CABLES2: variants seen among roughly 807,000 people sequenced by gnomAD.
CABLES2 encodes the protein Cdk5 and Abl enzyme substrate 2.
Under a neutral mutation model 44.8 loss-of-function variants are expected in CABLES2, and 35 were observed. That is an observed-to-expected ratio of 0.78 (90% CI 0.60 to 1.04). The LOEUF is 1.04. Among genes scored for constraint, CABLES2 ranks in the 50% least tolerant of loss-of-function variants. The probability of loss-of-function intolerance (pLI) is 0.00; values close to 1 mark genes in which losing one functional copy is unlikely to be tolerated. For missense variants in CABLES2, 566 were observed against 615.7 expected (o/e 0.92, Z 0.85); for synonymous variants, 282 against 281.1 (o/e 1.00, Z -0.03).
At position 62,393,577 on chromosome 20, in the gene CABLES2, G is replaced by C. The variant is rs1295417511; in HGVS notation, c.743C>G (p.Pro248Arg). The C allele has an allele frequency of 6.2e-7, 1 of 1,606,036 alleles. No homozygotes were observed. The highest frequency in any genetic ancestry group is 1.7e-5 in the Admixed American group (1 of 58,704). ...KVVSYAKFLYPTNALVTHKSD... is the reference protein window; with the variant it reads ...KVVSYAKFLYRTNALVTHKSD... ...CTTGTGTGTGACCAGGGCGTTGGTG[G>C]GATACAGGAACTTCGCATAAGACAC... The change falls in exon 6 of 10, where the codon CCC (proline) becomes CGC (arginine). Residue 248 changes from proline (P) to arginine (R), a missense_variant. Pro to Arg is a moderately radical substitution (Grantham distance 103). This residue lies in a region of CABLES2 where 436 missense variants were observed against 536.3 expected (regional missense o/e 0.81). Transcript: ENST00000279101.
chr20:62,393,513 A>G lies in CABLES2; in HGVS notation c.807T>C (p.Ser269=), dbSNP rs1338411297. Residue 269 remains serine, a synonymous_variant, in exon 6 of 10, where the codon AGT becomes AGC. Coordinates refer to ENST00000279101, the MANE Select transcript of CABLES2 (RefSeq NM_031215.3). ...TTGACCCTGGCAGAGTCCGGGGGACACTGGGCCGAGGTGTGGGCAGCAGGC... is the reference window on the plus strand; with the variant it reads ...TTGACCCTGGCAGAGTCCGGGGGACGCTGGGCCGAGGTGTGGGCAGCAGGC... ...SHGLLPTPRP[S]VPRTLPGSRH... 2 of 1,613,498 alleles carry G rather than the reference A, an allele frequency of 1.2e-6. No individual in the cohort carries two copies. The highest frequency in any genetic ancestry group is 2.2e-5 in the East Asian group (1 of 44,868).
At chr20:62,393,363 G>A (rs945730717) in intron 6 of CABLES2, 77 bp downstream of exon 6, 2 of 1,418,230 alleles carry the variant, frequency 1.4e-6, no homozygotes, top group African/African-American at 2.9e-5. Flanking sequence ...GCTTGCTGAT[G>A]CTGCTGCAGT....
In CABLES2 at chr20:62,407,112, G is replaced by C; in HGVS notation, c.165C>G (p.Ile55Met). The C allele has an allele frequency of 1.9e-6, 2 of 1,040,648 alleles. No individual in the cohort carries two copies. Among genetic ancestry groups the C allele is most frequent in the Non-Finnish European group, 2.3e-6 (2 of 864,452 alleles). The allele number at this position is 1,040,648 out of a possible 1,614,324, so 64.5% of individuals were successfully genotyped here. A position where few individuals can be genotyped will look rare whatever the true frequency, so the allele number is the denominator to read the frequency against. Residue 55 changes from isoleucine (I) to methionine (M), a missense_variant, in exon 1 of 10, where the codon ATC becomes ATG. This residue lies in a region of CABLES2 where 130 missense variants were observed against 79.4 expected (regional missense o/e 1.64). Transcript: ENST00000279101. ...GGCTCGGGGGCCGCCCGTCCAGGGA[G>C]ATGTTGTTGAGGAAGAAAAGCGCGG... ...RQAALFFLNN[I>M]SLDGRPPSLG...
At chr20:62,398,205 A>ACGGTAGTGGTGGTGGTGG (rs1988110591) in intron 1 of CABLES2, among the ~76,000 whole-genome samples, 1 of 86,168 alleles carries the variant, frequency 1.2e-5, no homozygotes, top group African/African-American at 5.3e-5. Context: ...GATGGTGGTG[A>ACGGTAGTGGTGGTGGTGG]TGGTGATGTG....
intron 1 of CABLES2, chr20:62,402,913 G>A (rs533162347): frequency 6.6e-6 from 1 of 152,366 alleles, no homozygotes; most frequent in African/African-American, 2.4e-5. Context: ...AATCACGCTT[G>A]TAAACAAGGT....
chr20:62,395,047 C>A, intron 3 of CABLES2, 33 bp from the exon 4 acceptor site: 1 of 1,536,176 alleles, frequency 6.5e-7, no homozygotes, highest in Admixed American at 1.7e-5. Flanking sequence ...GAGACGGGGC[C>A]GGGGAGCGGG....
At chr20:62,404,018 C>T (rs1359278533) in intron 1 of CABLES2, 1 of 152,118 alleles carries the variant, frequency 6.6e-6, no homozygotes, top group African/African-American at 2.4e-5. Context: ...AGTGAGACCC[C>T]ATGTCTGCTA....
At chr20:62,397,916 A>AATGGTGGTG (rs1407114274) in intron 1 of CABLES2, among the ~76,000 whole-genome samples, 2 of 72,114 alleles carry the variant, frequency 2.8e-5, no homozygotes, top group Non-Finnish European at 6.3e-5. Context: ...TGGTGATGGC[A>AATGGTGGTG]GTGGTGATGG....
chr20:62,391,443 C>G lies in CABLES2; in HGVS notation c.1102G>C (p.Glu368Gln), dbSNP rs745735762. 6 of 1,612,984 alleles carry G rather than the reference C, an allele frequency of 3.7e-6. No homozygotes were observed. ...TLSKIRSLKR[E>Q]MRSLSEECSL... ...CACTCCTCCGACAGGCTCCGCATCT[C>G]CCGCTTTAAGCTGTGGGTTAAGACA... Residue 368 changes from glutamate to glutamine, a missense_variant, in exon 9 of 10, where the codon GAG becomes CAG. By Grantham distance (29) the Glu-to-Gln change is conservative. This residue lies in a region of CABLES2 where 436 missense variants were observed against 536.3 expected (regional missense o/e 0.81). Coordinates refer to ENST00000279101, the MANE Select transcript of CABLES2 (RefSeq NM_031215.3). This position sits in a 1 kb window ranked among gnomAD's most constrained non-coding sequence, Gnocchi z 5.7.
At chr20:62,393,834 C>T (rs1987964753) in intron 5 of CABLES2, among the ~76,000 whole-genome samples, 1 of 152,228 alleles carries the variant, frequency 6.6e-6, no homozygotes, top group African/African-American at 2.4e-5. Flanking sequence ...TAGCCTGTAA[C>T]GTTCTCCCTG....
intron 1 of CABLES2, chr20:62,405,502 C>G (rs1988264702): frequency 6.6e-6 from 1 of 152,320 alleles, no homozygotes; most frequent in East Asian, 1.9e-4. Context: ...CAGGCACCCT[C>G]AGCCTGGCTA....
intron 1 of CABLES2, among the ~76,000 whole-genome samples, chr20:62,397,311 C>T (rs1988038027): frequency 6.6e-6 from 1 of 152,196 alleles, no homozygotes; most frequent in South Asian, 2.1e-4. Flanking sequence ...TCACCACCCA[C>T]CTGCCGTCTG....
At chr20:62,398,033 A>AGTGATGGTGATGGTG (rs1284691451) in intron 1 of CABLES2, among the ~76,000 whole-genome samples, 1 of 53,014 alleles carries the variant, frequency 1.9e-5, no homozygotes, top group East Asian at 6.1e-4. Context: ...TGGTGGTGAC[A>AGTGATGGTGATGGTG]GTGATGGTGA....
intron 4 of CABLES2, 117 bp downstream of exon 4, chr20:62,394,820 G>C: frequency 2.3e-6 from 2 of 863,520 alleles, no homozygotes; most frequent in Non-Finnish European, 1.8e-6. Flanking sequence ...GCATGAGCCC[G>C]GGGGCAGCCG....
intron 1 of CABLES2, among the ~76,000 whole-genome samples, chr20:62,398,285 GTGA>G (rs1348792690): frequency 6.4e-5 from 8 of 124,120 alleles, no homozygotes; most frequent in African/African-American, 2.3e-4. Context: ...GGTGGTGGTG[GTGA>G]TGGTGGCGAT....
At chr20:62,398,869 G>A (rs760579727) in intron 1 of CABLES2, among the ~76,000 whole-genome samples, 1 of 152,184 alleles carries the variant, frequency 6.6e-6, no homozygotes, top group Admixed American at 6.5e-5. Flanking sequence ...GGAGAGGCCT[G>A]GCCCTTGCCC....
In CABLES2 at chr20:62,392,369, G is replaced by A; in HGVS notation, c.1091+20C>T. Reference sequence around the variant, plus strand: ...CAGGGCCTCCCAGGACGATGAGATGGTCTGAGAGGGTGTCCTCACCTCCTG... The same window carrying A: ...CAGGGCCTCCCAGGACGATGAGATGATCTGAGAGGGTGTCCTCACCTCCTG... On this transcript the variant is annotated intron_variant, in intron 8 of 9. Transcript: ENST00000279101. 6.4e-7 allele frequency: 1 copy of A among 1,560,232 alleles called. No homozygotes were observed. Among genetic ancestry groups the A allele is most frequent in the Non-Finnish European group, 8.8e-7 (1 of 1,131,156 alleles).
chr20:62,397,938 A>ATGGCGGTGG (rs1423374198), intron 1 of CABLES2, among the ~76,000 whole-genome samples: 1 of 63,650 alleles, frequency 1.6e-5, no homozygotes, highest in East Asian at 2.8e-4. Context: ...GGTGGTGGTG[A>ATGGCGGTGG]TGGTGGTGAC....
intron 3 of CABLES2, among the ~76,000 whole-genome samples, chr20:62,395,935 G>T (rs905480756): frequency 6.6e-6 from 1 of 152,230 alleles, no homozygotes; most frequent in African/African-American, 2.4e-5. Context: ...GCAGCCAGGT[G>T]TTTGGTTTAT....
Sources: gnomAD v4.1 joint callset for allele counts (sites outside exome capture counted in the v4.1 genomes callset) on GRCh38, gnomAD v4.1.1 for gene constraint, gnomAD v4.1.1 regional missense constraint, Gnocchi (gnomAD v3.1) non-coding constraint, MANE v1.5 for transcripts, NCBI Gene and HGNC (gene_info 2026-07-23, HGNC 2026-07-21) for gene names.